The following RAP1GDS1 variants were observed in gnomAD, a reference collection of about 807,000 sequenced individuals.
RAP1GDS1 encodes Rap1 GTPase-GDP dissociation stimulator 1, also known as RAP1, GTP-GDP dissociation stimulator 1.
A neutral mutation model predicts 71.1 loss-of-function variants in RAP1GDS1; 35 were observed. That is an observed-to-expected ratio of 0.49 (90% CI 0.38 to 0.65). The LOEUF (loss-of-function observed/expected upper bound fraction) is 0.65, where lower values mean the gene tolerates loss of function less well. Among genes scored for constraint, RAP1GDS1 ranks in the 30% least tolerant of loss-of-function variants. The pLI, the probability that RAP1GDS1 is intolerant of heterozygous loss-of-function variation, is 0.00. For synonymous variants in RAP1GDS1, 229 were observed against 243.1 expected, an observed-to-expected ratio of 0.94 and a Z score of 0.54; for missense variants, 663 against 706.1, an observed-to-expected ratio of 0.94 and a Z score of 0.69.
chr4:98,426,958 C>T (rs754029854), intron 12 of RAP1GDS1, among the ~76,000 whole-genome samples: 11 of 152,000 alleles, frequency 7.2e-5, no homozygotes, highest in Non-Finnish European at 1.5e-4. Flanking sequence ...AACATAGATA[C>T]AAAAATCCTT....
Position 98,266,131 on chromosome 4 carries a change from A to G in RAP1GDS1, c.4+4562A>G, listed in dbSNP as rs551058596. ...TTTTAATTTACAAATTAAAAAAATT[A>G]TTTTAATGTTACATTTTACATGGAA... On this transcript the variant is annotated intron_variant, in intron 1 of 14. Transcript: ENST00000408927. 3.9e-5 allele frequency among the ~76,000 whole-genome samples: 6 copies of G among 152,230 alleles called. No individual in the cohort carries two copies. In the South Asian group the frequency reaches 1.2e-3, roughly 32 times the overall value.
chr4:98,429,660 A>C (rs1033558529), intron 12 of RAP1GDS1, among the ~76,000 whole-genome samples: 3 of 152,166 alleles, frequency 2.0e-5, no homozygotes, highest in Non-Finnish European at 4.4e-5. Context: ...AATTTTTTTT[A>C]ATCACAAAAG....
chr4:98,307,534 ATCT>A (rs1313115603), intron 2 of RAP1GDS1, among the ~76,000 whole-genome samples: 5 of 152,108 alleles, frequency 3.3e-5, no homozygotes, highest in South Asian at 2.1e-4. Context: ...TCTTATTCTA[ATCT>A]TCTTTTTATG....
At chr4:98,265,726 A>G (rs1041443220) in intron 1 of RAP1GDS1, among the ~76,000 whole-genome samples, 1 of 152,170 alleles carries the variant, frequency 6.6e-6, no homozygotes, top group Admixed American at 6.5e-5. Flanking sequence ...ATGATTTCAC[A>G]CTGAAAAACA....
chr4:98,337,905 T>C (rs375410693), intron 2 of RAP1GDS1, among the ~76,000 whole-genome samples: 1 of 152,192 alleles, frequency 6.6e-6, no homozygotes, highest in African/African-American at 2.4e-5. Context: ...GCTTGAATGT[T>C]TAATGAAAAG....
intron 2 of RAP1GDS1, among the ~76,000 whole-genome samples, chr4:98,299,072 G>A (rs185071301): frequency 5.5e-4 from 83 of 152,110 alleles, no homozygotes; most frequent in East Asian, 2.5e-3. Context: ...CCTACCCTAC[G>A]ACAGGCCCTG....
chr4:98,319,034 T>C (rs1335295958), intron 2 of RAP1GDS1, among the ~76,000 whole-genome samples: 2 of 152,176 alleles, frequency 1.3e-5, no homozygotes, highest in African/African-American at 4.8e-5. Flanking sequence ...TCATGAAGGT[T>C]AGACTGATAG....
chr4:98,421,204 A>T (rs1560995240), intron 11 of RAP1GDS1, 51 bp from the exon 12 acceptor site: 1 of 1,498,366 alleles, frequency 6.7e-7, no homozygotes, highest in East Asian at 2.3e-5. Flanking sequence ...GAATTATTTC[A>T]ACTGATTGTC....
chr4:98,409,676 C>G (rs1280073513), intron 7 of RAP1GDS1: 1 of 369,218 alleles, frequency 2.7e-6, no homozygotes, highest in Non-Finnish European at 5.4e-6. Flanking sequence ...AAGCAACAGT[C>G]TGTTCCACCT....
At chr4:98,343,623 C>T (rs1041161145) in intron 3 of RAP1GDS1, among the ~76,000 whole-genome samples, 1 of 152,236 alleles carries the variant, frequency 6.6e-6, no homozygotes, top group African/African-American at 2.4e-5. Flanking sequence ...TTGTGTTATA[C>T]CCACATAAAC....
rs370053865 is a variant in RAP1GDS1, at chr4:98,442,366, T to G, written c.*249T>G. On this transcript the variant is annotated 3_prime_UTR_variant, in exon 15 of 15. Transcript: ENST00000408927. ...TGTATTCCTGTTGCTTGAGCTACAT[T>G]AAGTAGAATGTGCATGTTGTAGTCC... 7.5e-6 allele frequency: 3 copies of G among 399,926 alleles called. No homozygotes were observed. The highest frequency in any genetic ancestry group is 9.7e-5 in the South Asian group (2 of 20,652). 24.8% of individuals were successfully genotyped at this position (399,926 alleles called of 1,614,324 possible).
chr4:98,269,578 G>A (rs1264981478), intron 1 of RAP1GDS1, among the ~76,000 whole-genome samples: 1 of 152,128 alleles, frequency 6.6e-6, no homozygotes, highest in Non-Finnish European at 1.5e-5. Context: ...TATCCGATTA[G>A]GGGTTAACAC....
intron 2 of RAP1GDS1, among the ~76,000 whole-genome samples, chr4:98,313,992 A>C (rs138426840): frequency 6.6e-6 from 1 of 152,202 alleles, no homozygotes; most frequent in African/African-American, 2.4e-5. Context: ...ATTTTAGCAC[A>C]CAATGTTCTG....
chr4:98,340,470 C>T (rs1560866381), intron 2 of RAP1GDS1, among the ~76,000 whole-genome samples: 1 of 152,066 alleles, frequency 6.6e-6, no homozygotes, highest in Non-Finnish European at 1.5e-5. Flanking sequence ...CATGGTGGCT[C>T]ACACCTGTAA....
At chr4:98,354,262 C>T (rs1466185918) in intron 4 of RAP1GDS1, among the ~76,000 whole-genome samples, 4 of 151,514 alleles carry the variant, frequency 2.6e-5, no homozygotes, top group East Asian at 1.9e-4. Flanking sequence ...CGGGGTTTCA[C>T]CTTGTTAGCC....
chr4:98,407,168 T>A (rs1746242546), intron 7 of RAP1GDS1, among the ~76,000 whole-genome samples: 2 of 152,262 alleles, frequency 1.3e-5, no homozygotes, highest in Admixed American at 1.3e-4. Flanking sequence ...TCTCTGATAA[T>A]CTTTTGTATT....
intron 1 of RAP1GDS1, among the ~76,000 whole-genome samples, chr4:98,285,913 TATA>T (rs1201738885): frequency 6.8e-6 from 1 of 147,810 alleles, no homozygotes; most frequent in Non-Finnish European, 1.5e-5. Flanking sequence ...ATAAATTATT[TATA>T]ATATTTATTT....
At chr4:98,423,528 A>ATTTTTGT in intron 12 of RAP1GDS1, among the ~76,000 whole-genome samples, 1 of 151,800 alleles carries the variant, frequency 6.6e-6, no homozygotes, top group South Asian at 2.1e-4. Context: ...TGTTTTCTTT[A>ATTTTTGT]TTTTTTGTTT....
intron 2 of RAP1GDS1, among the ~76,000 whole-genome samples, chr4:98,312,742 T>G (rs9996368): frequency 0.13 from 19,043 of 151,364 alleles, 1,852 homozygotes; most frequent in African/African-American, 0.26. Flanking sequence ...TATATATATA[T>G]AGAGAGAGAA....
Sources: allele counts gnomAD v4.1 joint callset (sites outside exome capture counted in the v4.1 genomes callset), GRCh38; gene constraint gnomAD v4.1.1; transcripts MANE v1.5; gene names NCBI Gene and HGNC (gene_info 2026-07-23, HGNC 2026-07-21).